ROR1: variants seen among roughly 807,000 people sequenced by gnomAD.
ROR1 encodes the protein inactive tyrosine-protein kinase transmembrane receptor ROR1.
ROR1 carries 19 observed loss-of-function variants against 78.8 expected under a neutral mutation model. That is an observed-to-expected ratio of 0.24 (90% CI 0.17 to 0.35). The LOEUF is 0.35. Among genes scored for constraint, ROR1 ranks in the 10% least tolerant of loss-of-function variants. ROR1 has a pLI of 1.00. For synonymous variants in ROR1, 386 were observed against 433.6 expected, an observed-to-expected ratio of 0.89 and a Z score of 1.36; for missense variants, 917 against 1,177.8, an observed-to-expected ratio of 0.78 and a Z score of 3.24.
At chr1:64,175,520 C>T (rs1361981766) in intron 8 of ROR1, among the ~76,000 whole-genome samples, 1 of 152,174 alleles carries the variant, frequency 6.6e-6, no homozygotes, top group Non-Finnish European at 1.5e-5. Flanking sequence ...ATTTAATTTA[C>T]TGAAAGTTTA....
intron 1 of ROR1, among the ~76,000 whole-genome samples, chr1:63,994,266 T>G (rs1646319924): frequency 6.6e-6 from 1 of 152,176 alleles, no homozygotes. Context: ...CCTTTTGAGC[T>G]GCAATAATTT....
chr1:64,032,859 C>CT (rs1201432750), intron 2 of ROR1, among the ~76,000 whole-genome samples: 3 of 152,064 alleles, frequency 2.0e-5, no homozygotes, highest in African/African-American at 2.4e-5. Context: ...AAACAAGAGA[C>CT]TTTTTTTAAA....
chr1:64,177,541 T>A lies in ROR1; in HGVS notation c.1500T>A (p.Ala500=). The change falls in exon 9 of 9, where the codon GCT becomes GCA. Residue 500 remains alanine (A), a synonymous_variant. Transcript: ENST00000371079. ...TCTATCTCCCAGGCATGGACCATGC[T>A]CAGCTGGTTGCTATCAAGACCTTGA... The part of the protein sequence containing the change: ...GHLYLPGMDH[A]QLVAIKTLKD... The A allele has an allele frequency of 6.2e-7, 1 of 1,614,162 alleles. No individual in the cohort carries two copies. The highest frequency in any genetic ancestry group is 1.1e-5 in the South Asian group (1 of 91,086).
At chr1:63,945,585 C>T (rs1259833692) in intron 1 of ROR1, among the ~76,000 whole-genome samples, 1 of 152,118 alleles carries the variant, frequency 6.6e-6, no homozygotes, top group East Asian at 1.9e-4. Flanking sequence ...TTGCCTGGAT[C>T]GACTTTCCCA....
chr1:63,774,267 A>G lies in ROR1; in HGVS notation c.-151A>G, dbSNP rs1242571318. ...GGCGGCCAGGCGGAGGCGAGGGAGC[A>G]GGTTAGAGGGACAAAGAGCTTTGCA... On this transcript the variant is annotated 5_prime_UTR_variant, in exon 1 of 9. Coordinates refer to ENST00000371079, the MANE Select transcript of ROR1 (RefSeq NM_005012.4). The surrounding 1 kb of genome is among the most constrained non-coding windows in gnomAD (Gnocchi z 5.7). 2 of 332,814 alleles carry G rather than the reference A, an allele frequency of 6.0e-6. No homozygotes were observed. The highest frequency in any genetic ancestry group is 1.0e-5 in the Non-Finnish European group (2 of 193,114). The allele number at this position is 332,814 out of a possible 1,614,324, so 20.6% of individuals were successfully genotyped here.
chr1:64,096,007 A>G (rs955115868), intron 4 of ROR1, among the ~76,000 whole-genome samples: 1 of 151,630 alleles, frequency 6.6e-6, no homozygotes, highest in Non-Finnish European at 1.5e-5. Context: ...GCTCTGAAGT[A>G]TACTTTTGTA....
At chr1:63,818,654 G>A (rs1644906809) in intron 1 of ROR1, among the ~76,000 whole-genome samples, 2 of 152,186 alleles carry the variant, frequency 1.3e-5, no homozygotes, top group Non-Finnish European at 2.9e-5. Flanking sequence ...TTTAGGTAGA[G>A]CCCAAAATGG....
chr1:63,813,968 C>T (rs1335986467), intron 1 of ROR1, among the ~76,000 whole-genome samples: 1 of 152,234 alleles, frequency 6.6e-6, no homozygotes, highest in African/African-American at 2.4e-5. Context: ...CCCCTATCTG[C>T]TTCTTCTGTT....
At chr1:63,855,981 A>T (rs193048326) in intron 1 of ROR1, among the ~76,000 whole-genome samples, 2 of 152,030 alleles carry the variant, frequency 1.3e-5, no homozygotes, top group East Asian at 3.9e-4. Flanking sequence ...TCATATCTTC[A>T]GTGTCTCCAC....
chr1:63,987,474 T>G (rs1209265950), intron 1 of ROR1, among the ~76,000 whole-genome samples: 1 of 152,196 alleles, frequency 6.6e-6, no homozygotes, highest in Admixed American at 6.5e-5. Context: ...AGCTCCTCAA[T>G]TGTGGGATCT....
At chr1:64,080,284 C>A (rs1647090082) in intron 4 of ROR1, among the ~76,000 whole-genome samples, 1 of 152,144 alleles carries the variant, frequency 6.6e-6, no homozygotes, top group Admixed American at 6.5e-5. Flanking sequence ...GAGAGGGATG[C>A]TGCTGGCATC....
chr1:63,859,350 A>G (rs1344647631), intron 1 of ROR1, among the ~76,000 whole-genome samples: 1 of 152,128 alleles, frequency 6.6e-6, no homozygotes, highest in East Asian at 1.9e-4. Flanking sequence ...CTGTCTCTCC[A>G]GAGTCTGATT....
intron 1 of ROR1, among the ~76,000 whole-genome samples, chr1:63,828,706 C>T (rs1644969622): frequency 6.6e-6 from 1 of 152,174 alleles, no homozygotes; most frequent in African/African-American, 2.4e-5. Flanking sequence ...CAGAATTTGT[C>T]TTTCTGGTTT....
chr1:63,832,636 A>T (rs1644995206), intron 1 of ROR1, among the ~76,000 whole-genome samples: 1 of 152,216 alleles, frequency 6.6e-6, no homozygotes, highest in Non-Finnish European at 1.5e-5. Flanking sequence ...TGTTGCTAGG[A>T]TTCAATGAGA....
chr1:63,810,003 T>C (rs944602820), intron 1 of ROR1, among the ~76,000 whole-genome samples: 2 of 152,134 alleles, frequency 1.3e-5, no homozygotes, highest in African/African-American at 4.8e-5. Flanking sequence ...TGGATTCCAA[T>C]GCAACAAGCA....
At chr1:63,961,142 C>G (rs1209494898) in intron 1 of ROR1, among the ~76,000 whole-genome samples, 1 of 151,702 alleles carries the variant, frequency 6.6e-6, no homozygotes, top group Non-Finnish European at 1.5e-5. Context: ...TTTTTAAACT[C>G]CCCTTAAGCT....
chr1:63,912,297 C>CAA (rs67307299), intron 1 of ROR1, among the ~76,000 whole-genome samples: 8 of 130,856 alleles, frequency 6.1e-5, no homozygotes, highest in African/African-American at 1.8e-4. Context: ...GACCCTATCT[C>CAA]AAAAAAAAAA....
chr1:63,957,769 G>A (rs1321703531), intron 1 of ROR1, among the ~76,000 whole-genome samples: 1 of 148,384 alleles, frequency 6.7e-6, no homozygotes, highest in Non-Finnish European at 1.5e-5. Flanking sequence ...TGGAGACAGA[G>A]TCTCACCCTG....
In ROR1 at chr1:64,140,257, A is replaced by C; in HGVS notation, c.759A>C (p.Glu253Asp). The C allele has an allele frequency of 6.2e-7, 1 of 1,614,188 alleles. No homozygotes were observed. Among genetic ancestry groups the C allele is most frequent in the Non-Finnish European group, 8.5e-7 (1 of 1,180,028 alleles). The change falls in exon 6 of 9, where the codon GAA becomes GAC. Residue 253 changes from glutamate (E) to aspartate (D), a missense_variant. Glu to Asp is a conservative substitution (Grantham distance 45, BLOSUM62 2). Coordinates refer to ENST00000371079, the MANE Select transcript of ROR1 (RefSeq NM_005012.4). ...KPRDLCRDEC[E>D]ILENVLCQTE... The stretch of plus-strand genomic sequence containing the variant: ...GTGACTTGTGTCGCGATGAATGTGA[A>C]ATCCTGGAGAATGTCCTGTGTCAAA...
Sources: allele counts gnomAD v4.1 joint callset (sites outside exome capture counted in the v4.1 genomes callset), GRCh38; gene constraint gnomAD v4.1.1; non-coding constraint Gnocchi (gnomAD v3.1); transcripts MANE v1.5; gene names NCBI Gene and HGNC (gene_info 2026-07-23, HGNC 2026-07-21).